RPGR: variants seen among roughly 807,000 people sequenced by gnomAD.
The protein encoded by RPGR is X-linked retinitis pigmentosa GTPase regulator.
RPGR carries 10 observed loss-of-function variants against 56.3 expected under a neutral mutation model. That is an observed-to-expected ratio of 0.18 (90% CI 0.11 to 0.30). RPGR has a LOEUF of 0.30. RPGR is among the 10% of genes least tolerant of loss of function. The pLI is 1.00. For synonymous variants in RPGR, 197 were observed against 212.9 expected, an observed-to-expected ratio of 0.93 and a Z score of 0.65; for missense variants, 538 against 590.9, an observed-to-expected ratio of 0.91 and a Z score of 0.93.
Position 38,287,943 on chromosome X carries a change from T to C in RPGR, c.1671A>G (p.Lys557=), listed in dbSNP as rs779938667. The C allele has an allele frequency of 8.3e-7, 1 of 1,210,451 alleles. No individual in the cohort carries two copies. Among genetic ancestry groups the C allele is most frequent in the Non-Finnish European group, 1.1e-6 (1 of 894,370 alleles). ...CTTGTGACACATGTTGTTTACATGC[T>C]TTCCCTTCTTTCATTTCTGACATTT... The change falls in exon 14 of 19, where the codon AAA becomes AAG. Residue 557 remains lysine (K), a synonymous_variant. Coordinates refer to ENST00000642395, the MANE Select transcript of RPGR (RefSeq NM_000328.3).
At chrX:38,313,994 A>G (rs773530339) in intron 6 of RPGR, among the ~76,000 whole-genome samples, 1 of 111,766 alleles carries the variant, frequency 8.9e-6, no homozygotes, top group Non-Finnish European at 1.9e-5. Flanking sequence ...TCCCTGGGCC[A>G]CACTGGAAGA....
At chrX:38,270,476 A>G (rs910256436) in intron 18 of RPGR, among the ~76,000 whole-genome samples, 27 of 106,885 alleles carry the variant, frequency 2.5e-4, no homozygotes, top group Admixed American at 2.5e-3. Flanking sequence ...AAAAAAAATT[A>G]GCCGGGCGTG....
At chrX:38,305,043 G>GGTAAGTAACA (rs1244723397) in intron 7 of RPGR, among the ~76,000 whole-genome samples, 2 of 112,051 alleles carry the variant, frequency 1.8e-5, no homozygotes, top group Admixed American at 1.9e-4. Context: ...ACCATAGTTA[G>GGTAAGTAACA]GTAAGTAACA....
At chrX:38,269,990 A>T (rs2066808168) in intron 18 of RPGR, among the ~76,000 whole-genome samples, 1 of 111,755 alleles carries the variant, frequency 8.9e-6, no homozygotes, top group Non-Finnish European at 1.9e-5. Context: ...CATCTGTTAG[A>T]GTTTTTCCTT....
At position 38,290,997 on chromosome X, in the gene RPGR, C is replaced by A; in HGVS notation, c.1534G>T (p.Glu512Ter). ...ACTGGTGATAATTTTAATGACTTTT[C>A]ATTGGAATTCAGGCTCATGATGTGT... The change falls in exon 13 of 19, where the codon GAA becomes TAA. Residue 512 changes from glutamate to a stop codon, truncating the protein, a stop_gained. Coordinates refer to ENST00000642395, the MANE Select transcript of RPGR (RefSeq NM_000328.3). LOFTEE classifies it high-confidence loss of function. 1 of 1,067,679 alleles carries A rather than the reference C, an allele frequency of 9.4e-7. No homozygotes were observed. Among genetic ancestry groups the A allele is most frequent in the Non-Finnish European group, 1.3e-6 (1 of 787,715 alleles). 88.0% of individuals were successfully genotyped at this position (1,067,679 alleles called of 1,213,427 possible). A position where few individuals can be genotyped will look rare whatever the true frequency, so the allele number is the denominator to read the frequency against.
At chrX:38,299,769 C>T (rs1432803238) in intron 9 of RPGR, among the ~76,000 whole-genome samples, 6 of 108,938 alleles carry the variant, frequency 5.5e-5, no homozygotes, top group African/African-American at 3.3e-5. Flanking sequence ...CAGTATTTTC[C>T]GTACATAGGT....
chrX:38,327,350 C>T lies in RPGR; in HGVS notation c.18G>A (p.Glu6=). The change falls in exon 1 of 19, where the codon GAG becomes GAA. Residue 6 remains glutamate (E), a synonymous_variant. Coordinates refer to ENST00000642395, the MANE Select transcript of RPGR (RefSeq NM_000328.3). ...GCGGGCGCAACTCACCGGGCATCAG[C>T]TCTTCCGGCTCCCTCATGCCACGGG... 2.5e-6 allele frequency: 3 copies of T among 1,190,299 alleles called. No individual in the cohort carries two copies. The African/African-American group carries it at 5.2e-5, about 21-fold the overall frequency.
At chrX:38,316,592 C>T (rs1225535992) in intron 6 of RPGR, among the ~76,000 whole-genome samples, 1 of 111,685 alleles carries the variant, frequency 9.0e-6, no homozygotes, top group Non-Finnish European at 1.9e-5. Flanking sequence ...GGAATGCAAT[C>T]AATTCATCAT....
chrX:38,286,059 C>T lies in RPGR; in HGVS notation c.1905+1035G>A, dbSNP rs1242945892. On this transcript the variant is annotated intron_variant, in intron 15 of 18. Coordinates refer to ENST00000642395, the MANE Select transcript of RPGR (RefSeq NM_000328.3). ...CCCCTTCTCCTTCCTCCTCTTCCCC[C>T]TCCCCTTCTCCTTCCTCCCCTTCCC... 17 of 620,797 alleles carry T rather than the reference C, an allele frequency of 2.7e-5. No individual in the cohort carries two copies. The highest frequency in any genetic ancestry group is 1.5e-4 in the African/African-American group (4 of 26,383). 51.2% of individuals were successfully genotyped at this position (620,797 alleles called of 1,213,427 possible).
In RPGR at chrX:38,285,230, C is replaced by A. The variant is rs1022553748; in HGVS notation, c.1905+1864G>T. 8.7e-6 allele frequency: 8 copies of A among 921,387 alleles called. No homozygotes were observed. In the Admixed American group the frequency reaches 2.9e-4, roughly 33 times the overall value. 75.9% of individuals were successfully genotyped at this position (921,387 alleles called of 1,213,427 possible). On this transcript the variant is annotated intron_variant, in intron 15 of 18. Coordinates refer to ENST00000642395, the MANE Select transcript of RPGR (RefSeq NM_000328.3). The stretch of plus-strand genomic sequence containing the variant: ...AAACAAAACACTCTTGTAGTATATT[C>A]CTGTTTCCTAAAGCTGCCTTTAATG...
chrX:38,318,715 A>T, intron 5 of RPGR, 114 bp downstream of exon 5: 1 of 783,326 alleles, frequency 1.3e-6, no homozygotes. Context: ...GAAAGCACAT[A>T]GATAGTCGAT....
At chrX:38,307,116 A>C (rs1379023915) in intron 7 of RPGR, among the ~76,000 whole-genome samples, 2 of 112,373 alleles carry the variant, frequency 1.8e-5, no homozygotes, top group Non-Finnish European at 3.8e-5. Context: ...ATAATCTGAG[A>C]AGTTAAGATA....
intron 4 of RPGR, 144 bp downstream of exon 4, chrX:38,320,883 G>A (rs1007234012): frequency 3.2e-5 from 16 of 501,054 alleles, no homozygotes; most frequent in African/African-American, 1.7e-4. Context: ...AAAGGCAAAC[G>A]TGTACTAGCC....
At position 38,290,989 on chromosome X, in the gene RPGR, T is replaced by A. The variant is rs1220450919; in HGVS notation, c.1542A>T (p.Ser514=). 1 of 1,076,948 alleles carries A rather than the reference T, an allele frequency of 9.3e-7. No individual in the cohort carries two copies. The highest frequency in any genetic ancestry group is 2.3e-5 in the Admixed American group (1 of 43,296). The allele number at this position is 1,076,948 out of a possible 1,213,427, so 88.8% of individuals were successfully genotyped here. Residue 514 remains serine (S), a synonymous_variant, in exon 13 of 19, where the codon TCA becomes TCT. Coordinates refer to ENST00000642395, the MANE Select transcript of RPGR (RefSeq NM_000328.3). Reference sequence around the variant, plus strand: ...GTTTCTGAACTGGTGATAATTTTAATGACTTTTCATTGGAATTCAGGCTCA... The same window carrying A: ...GTTTCTGAACTGGTGATAATTTTAAAGACTTTTCATTGGAATTCAGGCTCA...
At chrX:38,271,092 T>C (rs1007483954) in intron 18 of RPGR, among the ~76,000 whole-genome samples, 1 of 111,886 alleles carries the variant, frequency 8.9e-6, no homozygotes. Flanking sequence ...TTTGACAAGA[T>C]GCCAAAACAA....
intron 15 of RPGR, chrX:38,286,133 C>T: frequency 8.6e-6 from 5 of 579,307 alleles, no homozygotes; most frequent in Non-Finnish European, 1.1e-5. Context: ...TCTTCCCCCT[C>T]CCATTCTCCT....
At chrX:38,283,126 A>G in intron 15 of RPGR, among the ~76,000 whole-genome samples, 1 of 111,061 alleles carries the variant, frequency 9.0e-6, no homozygotes, top group Non-Finnish European at 1.9e-5. Flanking sequence ...GCCTGGATAG[A>G]CCTGGGTCTT....
intron 15 of RPGR, among the ~76,000 whole-genome samples, chrX:38,277,492 T>A (rs1252862393): frequency 9.0e-6 from 1 of 111,270 alleles, no homozygotes; most frequent in Non-Finnish European, 1.9e-5. Flanking sequence ...TTTAACTTTC[T>A]AATTTTGGGT....
chrX:38,287,299 G>T (rs981084948), intron 14 of RPGR, 54 bp from the exon 15 acceptor site: 1 of 1,200,021 alleles, frequency 8.3e-7, no homozygotes, highest in African/African-American at 1.8e-5. Flanking sequence ...GGATATTATG[G>T]GTTTAGTCTC....
Sources: allele counts gnomAD v4.1 joint callset (sites outside exome capture counted in the v4.1 genomes callset), GRCh38; gene constraint gnomAD v4.1.1; transcripts MANE v1.5; gene names NCBI Gene and HGNC (gene_info 2026-07-23, HGNC 2026-07-21).